ACTR3C: variants seen among roughly 807,000 people sequenced by gnomAD.
ACTR3C encodes the protein actin-related protein 3C.
ACTR3C carries 18 observed loss-of-function variants against 26.3 expected under a neutral mutation model. The ratio of observed to expected loss-of-function variants is 0.68; its 90% confidence interval spans 0.47 to 1.01. The LOEUF (loss-of-function observed/expected upper bound fraction) is 1.01. Among genes scored for constraint, ACTR3C ranks in the 50% least tolerant of loss-of-function variants. The probability of loss-of-function intolerance (pLI) is 0.00; values close to 1 mark genes in which losing one functional copy is unlikely to be tolerated. For synonymous variants in ACTR3C, 55 were observed against 94.5 expected (o/e 0.58, Z 2.42); for missense variants, 184 against 250.7 (o/e 0.73, Z 1.80).
the ACTR3C span, among the ~76,000 whole-genome samples, chr7:150,021,810 T>C: frequency 1.4e-4 from 21 of 152,154 alleles, no homozygotes; most frequent in African/African-American, 4.6e-4. Context: ...CATTCATTTC[T>C]TATGGCTGAG....
downstream of ACTR3C, among the ~76,000 whole-genome samples, chr7:150,239,538 C>A (rs200220133): frequency 0.22 from 21,959 of 101,546 alleles, 2,304 homozygotes; most frequent in East Asian, 0.24. Context: ...CTCTCTCTCT[C>A]TCTATATATA....
intron 6 of ACTR3C, among the ~76,000 whole-genome samples, chr7:150,253,886 T>C (rs1014811446): frequency 2.0e-5 from 3 of 150,810 alleles, no homozygotes; most frequent in Non-Finnish European, 4.4e-5. Context: ...TGTTGCAGGG[T>C]TGCTAAGTAC....
intron 4 of ACTR3C, among the ~76,000 whole-genome samples, chr7:150,288,265 C>T (rs986023414): frequency 5.3e-5 from 8 of 149,944 alleles, no homozygotes; most frequent in Admixed American, 3.3e-4. Context: ...CCCAACAGCC[C>T]GTGAGGAGAG....
At chr7:150,167,865 T>C in the ACTR3C span, among the ~76,000 whole-genome samples, 1 of 150,858 alleles carries the variant, frequency 6.6e-6, no homozygotes, top group Admixed American at 6.5e-5. Flanking sequence ...CTCAAAAATA[T>C]GTCTTCATCA....
intron 1 of ACTR3C, among the ~76,000 whole-genome samples, chr7:150,317,683 A>C (rs1427154351): frequency 6.6e-6 from 1 of 152,218 alleles, no homozygotes; most frequent in African/African-American, 2.4e-5. Flanking sequence ...TTTTCCATTT[A>C]AGCATTATAC....
intron 1 of ACTR3C, among the ~76,000 whole-genome samples, chr7:150,316,327 T>C (rs1034020053): frequency 4.6e-5 from 7 of 152,236 alleles, no homozygotes; most frequent in African/African-American, 1.4e-4. Context: ...TGTCAATACA[T>C]TGCACACATA....
chr7:150,291,932 G>A (rs1333563337), intron 3 of ACTR3C, among the ~76,000 whole-genome samples: 1 of 151,576 alleles, frequency 6.6e-6, no homozygotes, highest in Non-Finnish European at 1.5e-5. Context: ...CACATAGCCA[G>A]GAGTACAAGG....
intron 6 of ACTR3C, among the ~76,000 whole-genome samples, chr7:150,265,194 G>A (rs1290706022): frequency 1.3e-5 from 2 of 152,020 alleles, no homozygotes; most frequent in South Asian, 2.1e-4. Context: ...TCTTGAAATG[G>A]TAAGTGACCA....
the ACTR3C span, among the ~76,000 whole-genome samples, chr7:150,004,077 G>A: frequency 6.6e-6 from 1 of 151,124 alleles, no homozygotes; most frequent in South Asian, 2.1e-4. Flanking sequence ...GGCATGTGGT[G>A]TGTTATGTGC....
At chr7:150,112,590 G>A in the ACTR3C span, among the ~76,000 whole-genome samples, 2 of 152,112 alleles carry the variant, frequency 1.3e-5, no homozygotes, top group South Asian at 2.1e-4. Context: ...AGCAAAAGGC[G>A]CCAGCTTCTT....
At chr7:150,004,598 A>G in the ACTR3C span, 1 of 152,178 alleles carries the variant, frequency 6.6e-6, no homozygotes, top group Non-Finnish European at 1.5e-5. Context: ...ATTTCAAAGG[A>G]AATAGAGCAA....
chr7:150,292,792 C>A (rs1163321883), intron 3 of ACTR3C, among the ~76,000 whole-genome samples: 2 of 152,116 alleles, frequency 1.3e-5, no homozygotes, highest in Non-Finnish European at 2.9e-5. Context: ...CCACCGCGCC[C>A]AGCCCTTAAA....
At chr7:149,981,249 G>A in the ACTR3C span, among the ~76,000 whole-genome samples, 6 of 152,022 alleles carry the variant, frequency 3.9e-5, no homozygotes, top group African/African-American at 9.7e-5. Context: ...TACAGTCCGT[G>A]TGAACTTTTT....
the ACTR3C span, among the ~76,000 whole-genome samples, chr7:149,907,343 A>G: frequency 1.4e-3 from 196 of 135,308 alleles, 8 homozygotes; most frequent in South Asian, 1.1e-3. Flanking sequence ...AAATGGTTCC[A>G]CTCCCAGCCC....
At chr7:150,041,912 G>C in the ACTR3C span, among the ~76,000 whole-genome samples, 2 of 3,572 alleles carry the variant, frequency 5.6e-4, no homozygotes, top group African/African-American at 3.4e-3. Context: ...CTCAGAGCCA[G>C]GGGGGGAAGA....
At chr7:149,893,494 C>G in the ACTR3C span, among the ~76,000 whole-genome samples, 4 of 152,186 alleles carry the variant, frequency 2.6e-5, no homozygotes, top group Non-Finnish European at 5.9e-5. Flanking sequence ...TAAATCCTCA[C>G]AATAGCTTAT....
chr7:149,941,842 C>T, the ACTR3C span, among the ~76,000 whole-genome samples: 4 of 152,230 alleles, frequency 2.6e-5, no homozygotes, highest in South Asian at 2.1e-4. Context: ...GGAACTTGGA[C>T]GAAGCCCTGC....
the ACTR3C span, among the ~76,000 whole-genome samples, chr7:150,221,767 G>C: frequency 6.6e-6 from 1 of 152,108 alleles, no homozygotes. Context: ...GGCCGAGGAG[G>C]GCGGATCACG....
the ACTR3C span, among the ~76,000 whole-genome samples, chr7:150,141,558 A>G: frequency 6.6e-6 from 1 of 151,732 alleles, no homozygotes; most frequent in African/African-American, 2.4e-5. Flanking sequence ...ACTTATTGTT[A>G]TTGTCATTCT....
Sources: allele counts gnomAD v4.1 joint callset (sites outside exome capture counted in the v4.1 genomes callset), GRCh38; gene constraint gnomAD v4.1.1; transcripts MANE v1.5; gene names NCBI Gene and HGNC (gene_info 2026-07-23, HGNC 2026-07-21).